ADCY5: variants seen among roughly 807,000 people sequenced by gnomAD.
ADCY5 encodes adenylate cyclase type 5.
ADCY5 carries 30 observed loss-of-function variants against 119.7 expected under a neutral mutation model. That is an observed-to-expected ratio of 0.25 (90% CI 0.19 to 0.34). ADCY5 has a LOEUF of 0.34. Ranked by LOEUF, ADCY5 falls within the 10% of genes least tolerant of loss-of-function variation. ADCY5 has a pLI of 1.00. For synonymous variants in ADCY5, 753 were observed against 762.2 expected, an observed-to-expected ratio of 0.99 and a Z score of 0.20; for missense variants, 1,324 against 1,775.2, an observed-to-expected ratio of 0.75 and a Z score of 4.57.
intron 10 of ADCY5, 96 bp downstream of exon 10, chr3:123,319,578 G>T: frequency 6.8e-7 from 1 of 1,474,394 alleles, no homozygotes; most frequent in Non-Finnish European, 9.2e-7. Context: ...CCCTTCCGTG[G>T]TGCTGGGGGC....
intron 1 of ADCY5, among the ~76,000 whole-genome samples, chr3:123,390,699 C>A (rs1040612783): frequency 2.6e-5 from 4 of 152,204 alleles, no homozygotes; most frequent in African/African-American, 9.7e-5. Flanking sequence ...CCTCATAATC[C>A]CATGGTGATC....
At chr3:123,432,607 T>C (rs989944620) in intron 1 of ADCY5, among the ~76,000 whole-genome samples, 1 of 152,186 alleles carries the variant, frequency 6.6e-6, no homozygotes, top group African/African-American at 2.4e-5. Flanking sequence ...CACAGCTCAC[T>C]ACAGCCTCGA....
At chr3:123,427,618 A>G (rs1305164098) in intron 1 of ADCY5, among the ~76,000 whole-genome samples, 2 of 152,178 alleles carry the variant, frequency 1.3e-5, no homozygotes, top group Non-Finnish European at 2.9e-5. Flanking sequence ...GTGGTGATGT[A>G]TAAGAGGCCA....
At chr3:123,376,016 T>C (rs1943820738) in intron 1 of ADCY5, among the ~76,000 whole-genome samples, 4 of 149,852 alleles carry the variant, frequency 2.7e-5, no homozygotes, top group South Asian at 2.2e-4. Flanking sequence ...TGAGAGCATG[T>C]GTGCAGTAGC....
intron 14 of ADCY5, among the ~76,000 whole-genome samples, chr3:123,302,473 G>A (rs185790349): frequency 2.0e-5 from 3 of 152,302 alleles, no homozygotes; most frequent in African/African-American, 7.2e-5. Context: ...GTTTATAGTA[G>A]TGCTGGTTTG....
At chr3:123,434,478 C>A (rs1424325827) in intron 1 of ADCY5, among the ~76,000 whole-genome samples, 2 of 152,236 alleles carry the variant, frequency 1.3e-5, no homozygotes. Context: ...ATCTCCTGGG[C>A]CTCTAGGCCC....
chr3:123,347,619 A>G (rs1293502069), intron 3 of ADCY5, among the ~76,000 whole-genome samples, 163 bp downstream of exon 3: 3 of 151,992 alleles, frequency 2.0e-5, no homozygotes, highest in African/African-American at 7.3e-5. Context: ...TAATTCACTC[A>G]TTTAACACAC....
chr3:123,398,724 C>T (rs1046670416), intron 1 of ADCY5, among the ~76,000 whole-genome samples: 2 of 152,152 alleles, frequency 1.3e-5, no homozygotes, highest in Non-Finnish European at 2.9e-5. Context: ...CTGTCCCTGC[C>T]GTTTTCTTTG....
At chr3:123,386,223 C>T (rs534207292) in intron 1 of ADCY5, among the ~76,000 whole-genome samples, 183 of 152,338 alleles carry the variant, frequency 1.2e-3, no homozygotes, top group Non-Finnish European at 2.1e-3. Flanking sequence ...AGCCTTGACA[C>T]TTTTCTCCTC....
intron 1 of ADCY5, among the ~76,000 whole-genome samples, chr3:123,442,963 G>A (rs772944468): frequency 5.9e-5 from 9 of 152,242 alleles, no homozygotes; most frequent in Non-Finnish European, 1.0e-4. Context: ...GGTTGAGCCT[G>A]CTGCTGAAGT....
At position 123,311,628 on chromosome 3, in the gene ADCY5, G is replaced by A. The variant is rs193196178; in HGVS notation, c.2442+2607C>T. Among the ~76,000 whole-genome samples the A allele has an allele frequency of 5.9e-5, 9 of 152,314 alleles. No individual in the cohort carries two copies. The South Asian group carries it at 1.0e-3, about 18-fold the overall frequency. Reference sequence around the variant, plus strand: ...TAATCAGGCCAGGAGAGGAGGCGGCGGCAGGGATGGGAGCCAAGGGTGGGT... The same window carrying A: ...TAATCAGGCCAGGAGAGGAGGCGGCAGCAGGGATGGGAGCCAAGGGTGGGT... On this transcript the variant is annotated intron_variant, in intron 12 of 20. Transcript: ENST00000462833.
In ADCY5 at chr3:123,284,615, A is replaced by T. The variant is rs1184626716; in HGVS notation, c.3779T>A (p.Leu1260His). 1 of 1,614,192 alleles carries T rather than the reference A, an allele frequency of 6.2e-7. No homozygotes were observed. Among genetic ancestry groups the T allele is most frequent in the Non-Finnish European group, 8.5e-7 (1 of 1,180,030 alleles). ...ACCATTGGCCAACAGCTGCTAACTGAGCGGGGGCCCTCCATTGAGGAAGTA... is the reference window on the plus strand; with the variant it reads ...ACCATTGGCCAACAGCTGCTAACTGTGCGGGGGCCCTCCATTGAGGAAGTA... ...MTYFLNGGPPLS is the reference protein window; with the variant it reads ...MTYFLNGGPPHS The change falls in exon 21 of 21, where the codon CTC becomes CAC. Residue 1260 changes from leucine to histidine, a missense_variant. By Grantham distance (99) the Leu-to-His change is moderately conservative. Coordinates refer to ENST00000462833, the MANE Select transcript of ADCY5 (RefSeq NM_183357.3).
intron 1 of ADCY5, among the ~76,000 whole-genome samples, chr3:123,396,217 G>T (rs1385203949): frequency 2.1e-4 from 27 of 130,898 alleles, no homozygotes. Context: ...GAAAGAGAAA[G>T]AAAGAAAAAG....
Position 123,297,376 on chromosome 3 carries a change from G to C in ADCY5, c.2907C>G (p.Phe969Leu). The change falls in exon 16 of 21, where the codon TTC becomes TTG. Residue 969 changes from phenylalanine to leucine, a missense_variant. This residue lies in a region of ADCY5 where 424 missense variants were observed against 546.8 expected (regional missense o/e 0.78). Transcript: ENST00000462833. ...ACCACTGGGAGGTCCCGTTGTTGAA[G>C]AAGTCTCTGTGAAGAGAGTTGGGGA... ...DLLVTANAID[F>L]FNNGTSQCPE... 6.2e-7 allele frequency: 1 copy of C among 1,614,058 alleles called. No homozygotes were observed. The highest frequency in any genetic ancestry group is 1.3e-5 in the African/African-American group (1 of 75,050).
At position 123,389,482 on chromosome 3, in the gene ADCY5, GGA is replaced by G. The variant is rs1304972737; in HGVS notation, c.1135-36903_1135-36902del. ...ATACCAGTAGGGTCCATTTGTACAGGGAGAGTTTTCGCAAAAGAGAGCTAAGC... is the reference window on the plus strand; with the variant it reads ...ATACCAGTAGGGTCCATTTGTACAGGGAGTTTTCGCAAAAGAGAGCTAAGC... On this transcript the variant is annotated intron_variant, in intron 1 of 20. Transcript: ENST00000462833. Among the ~76,000 whole-genome samples, 4 of 148,250 alleles carry G rather than the reference GGA, an allele frequency of 2.7e-5. No individual in the cohort carries two copies. The East Asian group carries it at 8.8e-4, about 33-fold the overall frequency.
At chr3:123,392,634 C>T (rs1944429103) in intron 1 of ADCY5, among the ~76,000 whole-genome samples, 1 of 152,194 alleles carries the variant, frequency 6.6e-6, no homozygotes, top group Non-Finnish European at 1.5e-5. Flanking sequence ...CCTCGGTCCC[C>T]AGGCAGACAG....
intron 1 of ADCY5, among the ~76,000 whole-genome samples, chr3:123,392,536 G>C (rs564094029): frequency 6.6e-6 from 1 of 152,322 alleles, no homozygotes; most frequent in Non-Finnish European, 1.5e-5. Context: ...CTCATCAAAA[G>C]GTCAGCTGAC....
chr3:123,424,657 A>C (rs1945365784), intron 1 of ADCY5, among the ~76,000 whole-genome samples: 1 of 152,176 alleles, frequency 6.6e-6, no homozygotes, highest in Non-Finnish European at 1.5e-5. Context: ...AGCCTTACCC[A>C]GAATGACCGT....
At chr3:123,436,664 C>T (rs1945623493) in intron 1 of ADCY5, among the ~76,000 whole-genome samples, 3 of 152,094 alleles carry the variant, frequency 2.0e-5, no homozygotes, top group African/African-American at 7.2e-5. Flanking sequence ...CAAGATCATG[C>T]CACTGCACTC....
Sources: gnomAD v4.1 joint callset for allele counts (sites outside exome capture counted in the v4.1 genomes callset) on GRCh38, gnomAD v4.1.1 for gene constraint, gnomAD v4.1.1 regional missense constraint, MANE v1.5 for transcripts, NCBI Gene and HGNC (gene_info 2026-07-23, HGNC 2026-07-21) for gene names.